The following CNTNAP2 variants were observed in gnomAD, a reference collection of about 807,000 sequenced individuals.
The protein encoded by CNTNAP2 is contactin associated protein 2, also known as contactin-associated protein-like 2.
A neutral mutation model predicts 155.2 loss-of-function variants in CNTNAP2; 98 were observed. The ratio of observed to expected loss-of-function variants is 0.63; its 90% confidence interval spans 0.54 to 0.75. CNTNAP2 has a LOEUF of 0.75. Ranked by LOEUF, CNTNAP2 falls within the 30% of genes least tolerant of loss-of-function variation. The pLI, the probability that CNTNAP2 is intolerant of heterozygous loss-of-function variation, is 0.00. For missense variants in CNTNAP2, 1,727 were observed against 1,688.1 expected, an observed-to-expected ratio of 1.02 and a Z score of -0.40; for synonymous variants, 651 against 631.2, an observed-to-expected ratio of 1.03 and a Z score of -0.47.
chr7:146,469,718 G>A lies in CNTNAP2; in HGVS notation c.98-304553G>A, dbSNP rs1156693126. ...TTTATTTTTATTTTTAGTGGAGACA[G>A]GTTTTCTCCATGTTGGCTAGGCTGG... On this transcript the variant is annotated intron_variant, in intron 1 of 23. Transcript: ENST00000361727. Among the ~76,000 whole-genome samples, 8 of 151,856 alleles carry A rather than the reference G, an allele frequency of 5.3e-5. No individual in the cohort carries two copies. In the East Asian group the frequency reaches 1.6e-3, roughly 30 times the overall value.
At chr7:148,342,380 A>T (rs1457283484) in intron 21 of CNTNAP2, among the ~76,000 whole-genome samples, 1 of 150,062 alleles carries the variant, frequency 6.7e-6, no homozygotes, top group Non-Finnish European at 1.5e-5. Flanking sequence ...TCTCAACTTT[A>T]AAAAAAAATG....
chr7:146,131,383 AC>A (rs1386901304), intron 1 of CNTNAP2, among the ~76,000 whole-genome samples: 1 of 152,232 alleles, frequency 6.6e-6, no homozygotes, highest in Non-Finnish European at 1.5e-5. Flanking sequence ...TAAACTGATT[AC>A]TAAAATCAGA....
intron 1 of CNTNAP2, among the ~76,000 whole-genome samples, chr7:146,312,326 T>C (rs189334860): frequency 2.2e-4 from 33 of 152,310 alleles, no homozygotes; most frequent in East Asian, 2.1e-3. Flanking sequence ...ATGAGAGGAT[T>C]CGAAGCTCTA....
rs1309850348 is a variant in CNTNAP2, at chr7:147,965,575, T to G, written c.2256-12287T>G. 3.9e-5 allele frequency among the ~76,000 whole-genome samples: 6 copies of G among 151,914 alleles called. No individual in the cohort carries two copies. In the East Asian group the frequency reaches 9.7e-4, roughly 25 times the overall value. ...CTTTAATTTTTTGATAACGGACATT[T>G]TTGCAATATTTAACATAATATACCA... On this transcript the variant is annotated intron_variant, in intron 14 of 23. Coordinates refer to ENST00000361727, the MANE Select transcript of CNTNAP2 (RefSeq NM_014141.6).
At chr7:146,480,268 A>G (rs1277660762) in intron 1 of CNTNAP2, among the ~76,000 whole-genome samples, 1 of 151,128 alleles carries the variant, frequency 6.6e-6, no homozygotes, top group East Asian at 1.9e-4. Flanking sequence ...TTGTAAATAA[A>G]AGAATGGAAA....
chr7:148,341,823 A>C (rs1330177600), intron 21 of CNTNAP2, among the ~76,000 whole-genome samples: 1 of 152,198 alleles, frequency 6.6e-6, no homozygotes, highest in African/African-American at 2.4e-5. Context: ...CACTGCCAAT[A>C]AGCAATGACT....
At chr7:148,414,524 CTGTTT>C (rs1799933109) in intron 23 of CNTNAP2, among the ~76,000 whole-genome samples, 1 of 30,530 alleles carries the variant, frequency 3.3e-5, no homozygotes, top group Non-Finnish European at 7.4e-5. Context: ...TCTGTCCTTT[CTGTTT>C]CTAATAGCTA....
intron 15 of CNTNAP2, among the ~76,000 whole-genome samples, chr7:148,097,251 G>C (rs17481941): frequency 0.046 from 6,784 of 146,678 alleles, 241 homozygotes; most frequent in Admixed American, 0.12. Context: ...TCTTTAACAT[G>C]AGCATTCCCC....
intron 3 of CNTNAP2, among the ~76,000 whole-genome samples, chr7:146,910,676 A>G (rs1324540337): frequency 6.6e-6 from 1 of 150,530 alleles, no homozygotes; most frequent in Non-Finnish European, 1.5e-5. Context: ...AAAGATTTAA[A>G]CGTTAGACCT....
chr7:147,083,864 T>TATGTACATATTATATACATATACACATGC (rs1800203146), intron 4 of CNTNAP2, among the ~76,000 whole-genome samples: 1 of 141,068 alleles, frequency 7.1e-6, no homozygotes, highest in Non-Finnish European at 1.5e-5. Flanking sequence ...TATACACATG[T>TATGTACATATTATATACATATACACATGC]ATGTACATAT....
At chr7:146,822,900 TA>T (rs1803318292) in intron 2 of CNTNAP2, among the ~76,000 whole-genome samples, 1 of 146,692 alleles carries the variant, frequency 6.8e-6, no homozygotes, top group Non-Finnish European at 1.5e-5. Flanking sequence ...TACATGGAAA[TA>T]TACTCATTCT....
chr7:146,297,246 A>G (rs1166843653), intron 1 of CNTNAP2, among the ~76,000 whole-genome samples: 1 of 152,096 alleles, frequency 6.6e-6, no homozygotes, highest in Non-Finnish European at 1.5e-5. Context: ...TAATATATCT[A>G]TATTCAGATC....
intron 8 of CNTNAP2, among the ~76,000 whole-genome samples, chr7:147,179,866 G>C (rs539020601): frequency 1.3e-5 from 2 of 151,096 alleles, no homozygotes; most frequent in Admixed American, 1.3e-4. Context: ...GAGGACAAGA[G>C]GCATTTTTGA....
At chr7:147,060,024 C>T (rs1799633284) in intron 4 of CNTNAP2, among the ~76,000 whole-genome samples, 1 of 152,152 alleles carries the variant, frequency 6.6e-6, no homozygotes, top group Non-Finnish European at 1.5e-5. Flanking sequence ...ACTGCTACAA[C>T]TATCTTCATT....
intron 9 of CNTNAP2, among the ~76,000 whole-genome samples, chr7:147,365,139 C>T: frequency 6.6e-6 from 1 of 151,834 alleles, no homozygotes; most frequent in Admixed American, 6.6e-5. Flanking sequence ...TGCAGTGGCT[C>T]ATGCCTGTAA....
intron 1 of CNTNAP2, among the ~76,000 whole-genome samples, chr7:146,166,207 C>T (rs943073753): frequency 1.3e-5 from 2 of 152,036 alleles, no homozygotes; most frequent in Non-Finnish European, 2.9e-5. Flanking sequence ...GATTCTCCTG[C>T]CTCAGTCTCC....
chr7:147,652,225 G>T (rs1795460450), intron 13 of CNTNAP2, among the ~76,000 whole-genome samples: 1 of 152,096 alleles, frequency 6.6e-6, no homozygotes, highest in Non-Finnish European at 1.5e-5. Flanking sequence ...CCAGTGGCTG[G>T]GTAAATAGTT....
At chr7:146,809,801 C>T (rs1274949290) in intron 2 of CNTNAP2, among the ~76,000 whole-genome samples, 2 of 152,032 alleles carry the variant, frequency 1.3e-5, no homozygotes, top group Non-Finnish European at 2.9e-5. Context: ...CCGTAGGTTG[C>T]CTTTTCATTT....
chr7:148,088,552 C>T (rs1803780169), intron 15 of CNTNAP2, among the ~76,000 whole-genome samples: 1 of 151,840 alleles, frequency 6.6e-6, no homozygotes, highest in Non-Finnish European at 1.5e-5. Context: ...ACACAGCACA[C>T]ATTGAATAAG....
Sources: gnomAD v4.1 joint callset for allele counts (sites outside exome capture counted in the v4.1 genomes callset) on GRCh38, gnomAD v4.1.1 for gene constraint, MANE v1.5 for transcripts, NCBI Gene and HGNC (gene_info 2026-07-23, HGNC 2026-07-21) for gene names.